Variants in SPATA16 observed in about 807,000 individuals in gnomAD.
SPATA16 encodes the protein spermatogenesis associated 16, also known as spermatogenesis-associated protein 16.
A neutral mutation model predicts 63.3 loss-of-function variants in SPATA16; 36 were observed. The ratio of observed to expected loss-of-function variants is 0.57; its 90% CI spans 0.44 to 0.75. The LOEUF is 0.75. Ranked by LOEUF, SPATA16 falls within the 30% of genes least tolerant of loss-of-function variation. SPATA16 has a pLI of 0.00. For missense variants in SPATA16, 646 were observed against 679.3 expected, an observed-to-expected ratio of 0.95 and a Z score of 0.54; for synonymous variants, 203 against 216.7, an observed-to-expected ratio of 0.94 and a Z score of 0.56.
chr3:173,093,076 C>T (rs13321397), intron 2 of SPATA16, among the ~76,000 whole-genome samples: 18,238 of 143,808 alleles, frequency 0.13, 1,298 homozygotes, highest in South Asian at 0.24. Context: ...CACACACACA[C>T]ATATATATAT....
At chr3:172,953,289 A>C (rs568229286) in intron 6 of SPATA16, among the ~76,000 whole-genome samples, 1 of 152,270 alleles carries the variant, frequency 6.6e-6, no homozygotes, top group Non-Finnish European at 1.5e-5. Context: ...TCTCCATTGT[A>C]GATCCTCTTC....
At chr3:172,922,058 C>T (rs1436831169) in intron 8 of SPATA16, among the ~76,000 whole-genome samples, 3 of 152,100 alleles carry the variant, frequency 2.0e-5, no homozygotes, top group African/African-American at 7.2e-5. Flanking sequence ...TCAATGGTAC[C>T]GTGTAGGAAT....
rs751305044 is a variant in SPATA16 at position 173,049,087 on chromosome 3, C to G, written c.620G>C (p.Ser207Thr). 6.2e-7 allele frequency: 1 copy of G among 1,612,664 alleles called. No individual in the cohort carries two copies. The highest frequency in any genetic ancestry group is 2.2e-5 in the East Asian group (1 of 44,786). ...TGGTTCTCCCAGAACTGCTCCTTTG[C>G]TGCAAAGCTTTAAAAAATATAGTAC... is the stretch of plus-strand genomic sequence containing the variant. ...GQFRTALELC[S>T]KGAVLGEPFD... is the part of the protein sequence containing the mutation. Residue 207 changes from serine to threonine, a missense_variant, in exon 3 of 11, where the codon AGC (serine) becomes ACC (threonine). By Grantham distance (58) the Ser-to-Thr change is moderately conservative. Coordinates refer to ENST00000351008, the MANE Select transcript of SPATA16 (RefSeq NM_031955.6).
chr3:173,129,738 G>A (rs890778132), intron 1 of SPATA16, among the ~76,000 whole-genome samples: 25 of 151,768 alleles, frequency 1.6e-4, no homozygotes, highest in African/African-American at 5.8e-4. Flanking sequence ...CATGAAAATC[G>A]AGTCAAGACA....
intron 2 of SPATA16, among the ~76,000 whole-genome samples, chr3:173,055,183 A>G (rs1736192153): frequency 6.6e-6 from 1 of 152,222 alleles, no homozygotes; most frequent in Non-Finnish European, 1.5e-5. Context: ...AATGTTGAGA[A>G]AATGGATTGC....
intron 4 of SPATA16, among the ~76,000 whole-genome samples, chr3:173,002,772 GA>G (rs1409039970): frequency 6.6e-6 from 1 of 152,106 alleles, no homozygotes; most frequent in Non-Finnish European, 1.5e-5. Flanking sequence ...TTCATATATG[GA>G]AAATGGATGT....
At chr3:173,017,415 T>A (rs1735217107) in intron 4 of SPATA16, among the ~76,000 whole-genome samples, 1 of 152,210 alleles carries the variant, frequency 6.6e-6, no homozygotes, top group African/African-American at 2.4e-5. Flanking sequence ...AAATTCCAAA[T>A]TTTTAAGTTC....
At chr3:173,008,593 TA>T (rs1437625344) in intron 4 of SPATA16, among the ~76,000 whole-genome samples, 19 of 152,204 alleles carry the variant, frequency 1.2e-4, no homozygotes, top group Non-Finnish European at 2.9e-5. Flanking sequence ...GGGAAAATTC[TA>T]AAAATAATAA....
At chr3:172,939,343 T>C (rs1733090696) in intron 6 of SPATA16, among the ~76,000 whole-genome samples, 1 of 152,152 alleles carries the variant, frequency 6.6e-6, no homozygotes, top group Admixed American at 6.5e-5. Flanking sequence ...GTTTGGTTCA[T>C]AAAAGTGTGG....
intron 3 of SPATA16, among the ~76,000 whole-genome samples, chr3:173,023,618 A>G (rs1157095403): frequency 6.6e-6 from 1 of 151,846 alleles, no homozygotes; most frequent in Non-Finnish European, 1.5e-5. Flanking sequence ...AGACATTTTT[A>G]TATTATTGTC....
intron 6 of SPATA16, among the ~76,000 whole-genome samples, chr3:172,932,511 C>T (rs563008515): frequency 5.3e-5 from 8 of 152,238 alleles, no homozygotes; most frequent in South Asian, 2.1e-4. Context: ...ACAGTACCTT[C>T]GTAATGCCAA....
chr3:172,981,200 C>A (rs1050084885), intron 4 of SPATA16, among the ~76,000 whole-genome samples: 96 of 152,140 alleles, frequency 6.3e-4, no homozygotes, highest in African/African-American at 2.2e-3. Flanking sequence ...ATCTTCCCAG[C>A]ATTATCATCT....
intron 4 of SPATA16, among the ~76,000 whole-genome samples, chr3:173,013,975 A>T (rs952394559): frequency 1.3e-5 from 2 of 152,198 alleles, no homozygotes; most frequent in African/African-American, 4.8e-5. Flanking sequence ...TCAGCCTAAT[A>T]CAGGAAAGTT....
chr3:173,107,407 A>G (rs1430454462), intron 2 of SPATA16, among the ~76,000 whole-genome samples: 2 of 151,946 alleles, frequency 1.3e-5, no homozygotes, highest in African/African-American at 2.4e-5. Context: ...AACAATTCCT[A>G]CAAAACAAGG....
intron 8 of SPATA16, 63 bp from the exon 9 acceptor site, chr3:172,916,544 C>T: frequency 6.4e-7 from 1 of 1,570,464 alleles, no homozygotes; most frequent in African/African-American, 1.3e-5. Flanking sequence ...CTCCCCAGGG[C>T]TGGAAGTCAG....
chr3:172,930,647 C>A (rs1262973703), intron 6 of SPATA16, among the ~76,000 whole-genome samples: 1 of 150,224 alleles, frequency 6.7e-6, no homozygotes, highest in Non-Finnish European at 1.5e-5. Flanking sequence ...CAAGCTCCAC[C>A]TCCTGGGTTC....
chr3:173,029,348 G>A (rs1735541811), intron 3 of SPATA16, among the ~76,000 whole-genome samples: 2 of 151,698 alleles, frequency 1.3e-5, no homozygotes. Flanking sequence ...GAAGGTATGA[G>A]CCTCCAGGGT....
chr3:172,977,160 A>T, intron 4 of SPATA16, 108 bp from the exon 5 acceptor site: 3 of 924,876 alleles, frequency 3.2e-6, no homozygotes, highest in Non-Finnish European at 5.1e-6. Flanking sequence ...TTTTTAATGT[A>T]TAAATTTGTC....
intron 2 of SPATA16, among the ~76,000 whole-genome samples, chr3:173,056,071 A>G (rs1003750745): frequency 6.6e-6 from 1 of 152,234 alleles, no homozygotes; most frequent in African/African-American, 2.4e-5. Context: ...GTTAAATTAT[A>G]GATAGATTTC....
Sources: gnomAD v4.1 joint callset for allele counts (sites outside exome capture counted in the v4.1 genomes callset) on GRCh38, gnomAD v4.1.1 for gene constraint, MANE v1.5 for transcripts, NCBI Gene and HGNC (gene_info 2026-07-23, HGNC 2026-07-21) for gene names.